MYO3A: variants seen among roughly 807,000 people sequenced by gnomAD.
The protein encoded by MYO3A is myosin IIIA.
In MYO3A, 180 loss-of-function variants were observed where a neutral mutation model predicts 192.7. That is an observed-to-expected ratio of 0.93 (90% CI 0.83 to 1.06). MYO3A has a LOEUF of 1.06. Among genes scored for constraint, MYO3A ranks in the 50% least tolerant of loss-of-function variants. The pLI, the probability that MYO3A is intolerant of heterozygous loss-of-function variation, is 0.00. For missense variants in MYO3A, 1,896 were observed against 1,905.0 expected (o/e 1.00, Z 0.09); for synonymous variants, 628 against 645.3 (o/e 0.97, Z 0.41).
At chr10:26,070,657 A>G (rs1396569547) in intron 14 of MYO3A, among the ~76,000 whole-genome samples, 1 of 152,066 alleles carries the variant, frequency 6.6e-6, no homozygotes, top group Non-Finnish European at 1.5e-5. Flanking sequence ...TTTTAGTCCC[A>G]GTGCATTTAT....
chr10:26,111,459 C>T (rs1191469090), intron 17 of MYO3A, among the ~76,000 whole-genome samples: 1 of 152,174 alleles, frequency 6.6e-6, no homozygotes, highest in Non-Finnish European at 1.5e-5. Context: ...CTACCCCTAC[C>T]CTTTCCTAGG....
chr10:25,946,201 G>A (rs576905985), intron 2 of MYO3A, among the ~76,000 whole-genome samples: 16 of 152,256 alleles, frequency 1.1e-4, no homozygotes, highest in African/African-American at 3.6e-4. Flanking sequence ...ATTTTCATGA[G>A]ACTTCAAGAT....
chr10:26,173,610 G>A (rs1842162135), intron 29 of MYO3A, 53 bp from the exon 30 acceptor site: 1 of 1,525,480 alleles, frequency 6.6e-7, no homozygotes. Flanking sequence ...GCCAATAGAA[G>A]TAATAAGCTC....
At chr10:26,195,876 T>C (rs771950238) in intron 32 of MYO3A, among the ~76,000 whole-genome samples, 5 of 152,244 alleles carry the variant, frequency 3.3e-5, no homozygotes, top group Non-Finnish European at 7.3e-5. Context: ...TAAAGAGGGA[T>C]TGGTGTGGCT....
intron 1 of MYO3A, among the ~76,000 whole-genome samples, chr10:25,935,312 T>C (rs1835986521): frequency 6.6e-6 from 1 of 152,210 alleles, no homozygotes; most frequent in Non-Finnish European, 1.5e-5. Context: ...ACCTTGCTAC[T>C]ATCCCCCTTC....
rs148889907 is a variant in MYO3A at position 26,149,492 on chromosome 10, C to T, written c.2635+1933C>T. 8.9e-3 allele frequency among the ~76,000 whole-genome samples: 1,361 copies of T among 152,260 alleles called. 16 individuals are homozygous for T. Among genetic ancestry groups the T allele is most frequent in the African/African-American group, 0.031 (1,302 of 41,554 alleles). On this transcript the variant is annotated intron_variant, in intron 23 of 34. Coordinates refer to ENST00000642920, the MANE Select transcript of MYO3A (RefSeq NM_017433.5). Reference sequence around the variant, plus strand: ...TCAGGTGATCCACCCGCCTCGGCCTCCCAAGGTGCTGGGATTACAGGTATG... The same window carrying T: ...TCAGGTGATCCACCCGCCTCGGCCTTCCAAGGTGCTGGGATTACAGGTATG...
intron 6 of MYO3A, among the ~76,000 whole-genome samples, chr10:26,007,942 AG>A (rs1286648980): frequency 6.6e-6 from 1 of 152,120 alleles, no homozygotes; most frequent in African/African-American, 2.4e-5. Flanking sequence ...CTAAGCCAAA[AG>A]AACAAAGCTA....
At position 25,997,142 on chromosome 10, in the gene MYO3A, T is replaced by C. The variant is rs1418949152; in HGVS notation, c.409-17T>C. 1.3e-6 allele frequency: 2 copies of C among 1,591,946 alleles called. No individual in the cohort carries two copies. Among genetic ancestry groups the C allele is most frequent in the Non-Finnish European group, 1.7e-6 (2 of 1,160,182 alleles). On this transcript the variant is annotated splice_polypyrimidine_tract_variant and intron_variant, in intron 5 of 34. Transcript: ENST00000642920. ...GATGCTTTTGTTAAGAGTCATTATA[T>C]ATTTCTTATCTTCTAGGGACTTCAA...
chr10:26,100,312 G>C (rs182855933), intron 17 of MYO3A, among the ~76,000 whole-genome samples: 2 of 151,912 alleles, frequency 1.3e-5, no homozygotes, highest in East Asian at 1.9e-4. Context: ...CTTTATTAGT[G>C]TTGCTAGCGG....
At position 26,070,390 on chromosome 10, in the gene MYO3A, G is replaced by C; in HGVS notation, c.1348G>C (p.Val450Leu). Residue 450 changes from valine (V) to leucine (L), a missense_variant, in exon 14 of 35, where the codon GTG becomes CTG. Transcript: ENST00000642920. ...TCATCTTTTAGTTCAGCAGCTGACAGTGCTTGGAAAGGTATAATTTATTTT... is the reference window on the plus strand; with the variant it reads ...TCATCTTTTAGTTCAGCAGCTGACACTGCTTGGAAAGGTATAATTTATTTT... ...NAHLLVQQLT[V>L]LGKANNRTLQ... The C allele has an allele frequency of 7.4e-6, 12 of 1,612,718 alleles. No individual in the cohort carries two copies. Among genetic ancestry groups the C allele is most frequent in the Non-Finnish European group, 9.3e-6 (11 of 1,179,158 alleles).
intron 6 of MYO3A, among the ~76,000 whole-genome samples, chr10:25,998,388 G>A (rs190915567): frequency 4.9e-4 from 75 of 152,316 alleles, no homozygotes; most frequent in African/African-American, 1.8e-3. Context: ...CCTCAAACAT[G>A]CATGTGCCTA....
intron 10 of MYO3A, among the ~76,000 whole-genome samples, chr10:26,064,695 G>A (rs929660094): frequency 2.0e-4 from 31 of 152,096 alleles, no homozygotes; most frequent in African/African-American, 7.5e-4. Flanking sequence ...TCTAGCCCTA[G>A]ATAGAATTTG....
At chr10:26,068,931 C>A in intron 12 of MYO3A, 47 bp downstream of exon 12, 1 of 1,180,434 alleles carries the variant, frequency 8.5e-7, no homozygotes, top group Non-Finnish European at 1.3e-6. Context: ...CATAATTATA[C>A]ATTCAGATAC....
chr10:25,952,451 T>TAGTATATGTAATAAGGCACAATA (rs1415585982), intron 3 of MYO3A, among the ~76,000 whole-genome samples, 173 bp downstream of exon 3: 10 of 152,154 alleles, frequency 6.6e-5, no homozygotes, highest in Admixed American at 5.2e-4. Context: ...TTTCTGTGCT[T>TAGTATATGTAATAAGGCACAATA]AGTATATGTA....
chr10:26,143,314 G>A, intron 20 of MYO3A, 134 bp from the exon 21 acceptor site: 1 of 874,194 alleles, frequency 1.1e-6, no homozygotes, highest in Non-Finnish European at 1.8e-6. Flanking sequence ...CTGGACGACA[G>A]AGCGAGTCTC....
chr10:26,122,543 AAAC>A (rs747307380), intron 18 of MYO3A, among the ~76,000 whole-genome samples: 7 of 152,102 alleles, frequency 4.6e-5, no homozygotes, highest in African/African-American at 7.2e-5. Context: ...TTCTCATCAA[AAAC>A]AACATCACCT....
chr10:26,169,928 T>C (rs1037618439), intron 28 of MYO3A, among the ~76,000 whole-genome samples: 5 of 152,230 alleles, frequency 3.3e-5, no homozygotes, highest in Admixed American at 2.0e-4. Context: ...ATTCTGTTTT[T>C]CTGAAGAAAT....
chr10:26,010,911 A>C (rs537306383), intron 6 of MYO3A, among the ~76,000 whole-genome samples: 1 of 152,366 alleles, frequency 6.6e-6, no homozygotes, highest in East Asian at 1.9e-4. Flanking sequence ...CTAGAGATTT[A>C]CAATGGTTTT....
chr10:26,018,738 G>A (rs1842115442), intron 7 of MYO3A, among the ~76,000 whole-genome samples: 1 of 152,082 alleles, frequency 6.6e-6, no homozygotes, highest in Non-Finnish European at 1.5e-5. Flanking sequence ...ATGATTCTAG[G>A]ACTACAAGCA....
Sources: allele counts gnomAD v4.1 joint callset (sites outside exome capture counted in the v4.1 genomes callset), GRCh38; gene constraint gnomAD v4.1.1; transcripts MANE v1.5; gene names NCBI Gene and HGNC (gene_info 2026-07-23, HGNC 2026-07-21).